The following MYH11 variants were observed in gnomAD, a reference collection of about 807,000 sequenced individuals.
MYH11 encodes the protein myosin heavy chain 11, also known as myosin-11.
Under a neutral mutation model 246.6 loss-of-function variants are expected in MYH11, and 80 were observed. The ratio of observed to expected loss-of-function variants is 0.32; its 90% CI spans 0.27 to 0.39. The LOEUF (loss-of-function observed/expected upper bound fraction) is 0.39, where lower values mean the gene tolerates loss of function less well. MYH11 is among the 10% of genes least tolerant of loss of function. The pLI is 1.00. For synonymous variants in MYH11, 1,071 were observed against 1,015.5 expected, an observed-to-expected ratio of 1.05 and a Z score of -1.04; for missense variants, 2,158 against 2,546.8, an observed-to-expected ratio of 0.85 and a Z score of 3.29.
At position 15,727,033 on chromosome 16, in the gene MYH11, T is replaced by C; in HGVS notation, c.3673A>G (p.Asn1225Asp). ...TTCTCTTTCTCCAGCGTCTGCTTAT[T>C]CTTGTCTAGGTTCGCCTTGGCCTGG... ...FKRAKANLDK[N>D]KQTLEKENAD... The change falls in exon 28 of 41, where the codon AAT becomes GAT. Residue 1225 changes from asparagine to aspartate, a missense_variant. Asn to Asp is a conservative substitution (Grantham distance 23). Coordinates refer to ENST00000300036, the MANE Select transcript of MYH11 (RefSeq NM_002474.3). The C allele has an allele frequency of 1.2e-6, 2 of 1,611,876 alleles. No homozygotes were observed. The highest frequency in any genetic ancestry group is 8.5e-7 in the Non-Finnish European group (1 of 1,178,882).
chr16:15,757,508 TAAAAAAAAAAA>T (rs71134455), intron 13 of MYH11, among the ~76,000 whole-genome samples: 1 of 65,484 alleles, frequency 1.5e-5, no homozygotes, highest in East Asian at 5.0e-4. Flanking sequence ...GACCATGTCA[TAAAAAAAAAAA>T]AAAAAAAAAA....
intron 8 of MYH11, among the ~76,000 whole-genome samples, chr16:15,772,698 T>C (rs1482648029): frequency 6.6e-6 from 1 of 152,174 alleles, no homozygotes; most frequent in East Asian, 1.9e-4. Flanking sequence ...TACCGGTCCA[T>C]GTTAGGAACT....
At position 15,717,310 on chromosome 16, in the gene MYH11, G is replaced by T; in HGVS notation, c.5334C>A (p.Ser1778Arg). ...GGGCACTCTCATTCTTCTGGGCCGT[G>T]CTGCGCTCTGTGGCCAGCTCGTTGC... ...QLSNELATERSTAQKNESARQ... is the reference protein window; with the variant it reads ...QLSNELATERRTAQKNESARQ... Residue 1778 changes from serine (S) to arginine (R), a missense_variant, in exon 38 of 41, where the codon AGC becomes AGA. Ser to Arg is a moderately radical substitution (Grantham distance 110, BLOSUM62 -1). Transcript: ENST00000300036. 6.2e-7 allele frequency: 1 copy of T among 1,611,700 alleles called. No homozygotes were observed.
chr16:15,793,441 C>A (rs2042661146), intron 4 of MYH11, among the ~76,000 whole-genome samples: 1 of 151,930 alleles, frequency 6.6e-6, no homozygotes, highest in Non-Finnish European at 1.5e-5. Context: ...TACAGGCATG[C>A]ACCATCCCAC....
chr16:15,760,201 GATGAATGA>G lies in MYH11; in HGVS notation c.1248+331_1248+338del, dbSNP rs148242233. Among the ~76,000 whole-genome samples, 82 of 152,142 alleles carry G rather than the reference GATGAATGA, an allele frequency of 5.4e-4. 3 individuals carry two copies. The South Asian group carries it at 0.017, about 32-fold the overall frequency. ...AGATGGATGGGTGGATGCATGGACA[GATGAATGA>G]ATGAATGAATGAATGGAATGACAGC... On this transcript the variant is annotated intron_variant, in intron 11 of 40. Transcript: ENST00000300036.
chr16:15,749,938 A>G (rs2151263450), intron 16 of MYH11, 200 bp downstream of exon 16: 1 of 656,636 alleles, frequency 1.5e-6, no homozygotes, highest in South Asian at 1.9e-5. Context: ...CAACTCCACA[A>G]CTGAAAAGTC....
At chr16:15,826,587 CA>C (rs1157161167) in intron 2 of MYH11, among the ~76,000 whole-genome samples, 1 of 81,822 alleles carries the variant, frequency 1.2e-5, no homozygotes, top group Non-Finnish European at 2.2e-5. Context: ...GACCTTGTCT[CA>C]AAAAAGAAAA....
At chr16:15,801,214 A>G (rs1298427826) in intron 3 of MYH11, among the ~76,000 whole-genome samples, 1 of 152,204 alleles carries the variant, frequency 6.6e-6, no homozygotes, top group Admixed American at 6.5e-5. Flanking sequence ...TCAAAAACAA[A>G]TAAGATATAA....
intron 15 of MYH11, among the ~76,000 whole-genome samples, 154 bp downstream of exon 15, chr16:15,753,240 T>C (rs2041620409): frequency 6.6e-6 from 1 of 152,114 alleles, no homozygotes; most frequent in Non-Finnish European, 1.5e-5. Context: ...AGAAATTGTT[T>C]CAACGAGACA....
At chr16:15,828,522 C>T (rs1008292565) in intron 2 of MYH11, among the ~76,000 whole-genome samples, 3 of 152,160 alleles carry the variant, frequency 2.0e-5, no homozygotes, top group African/African-American at 7.2e-5. Flanking sequence ...ACAGGGTAGA[C>T]ACTCAGTCAG....
At chr16:15,794,179 C>G (rs959101530) in intron 4 of MYH11, among the ~76,000 whole-genome samples, 1 of 151,832 alleles carries the variant, frequency 6.6e-6, no homozygotes, top group Admixed American at 6.6e-5. Flanking sequence ...AACTCCTGAC[C>G]TCGTGATCCG....
intron 31 of MYH11, among the ~76,000 whole-genome samples, chr16:15,722,773 C>T (rs1426151692): frequency 6.6e-6 from 1 of 152,172 alleles, no homozygotes; most frequent in African/African-American, 2.4e-5. Context: ...AGGGTTTTCA[C>T]TCCATCACTC....
At position 15,815,396 on chromosome 16, in the gene MYH11, G is replaced by T. The variant is rs189941824; in HGVS notation, c.502+7859C>A. Among the ~76,000 whole-genome samples, 335 of 152,148 alleles carry T rather than the reference G, an allele frequency of 2.2e-3. 2 individuals are homozygous for T. Among genetic ancestry groups the T allele is most frequent in the African/African-American group, 7.7e-3 (321 of 41,518 alleles). The stretch of plus-strand genomic sequence containing the variant: ...CATTTAAAAATAAAATAGAATTTTT[G>T]GAATTTAATAAAATATATACCAGAA... On this transcript the variant is annotated intron_variant, in intron 3 of 40. Coordinates refer to ENST00000300036, the MANE Select transcript of MYH11 (RefSeq NM_002474.3).
At chr16:15,854,301 C>A (rs1160681089) in intron 1 of MYH11, among the ~76,000 whole-genome samples, 1 of 152,124 alleles carries the variant, frequency 6.6e-6, no homozygotes, top group Non-Finnish European at 1.5e-5. Flanking sequence ...TATAAATAAC[C>A]ATCACTGAAG....
intron 27 of MYH11, 81 bp from the exon 28 acceptor site, chr16:15,727,135 A>G (rs2040806206): frequency 3.8e-6 from 5 of 1,315,912 alleles, no homozygotes; most frequent in Non-Finnish European, 5.5e-6. Flanking sequence ...TTCCTCCCTC[A>G]GAGAGGTCCA....
chr16:15,782,420 C>T lies in MYH11; in HGVS notation c.691G>A (p.Ala231Thr). The T allele has an allele frequency of 6.2e-7, 1 of 1,614,132 alleles. No individual in the cohort carries two copies. Residue 231 changes from alanine (A) to threonine (T), a missense_variant, in exon 6 of 41, where the codon GCC (alanine) becomes ACC (threonine). Physicochemically the swap from Ala to Thr is moderately conservative, Grantham distance 58. Around this residue, in one of 11 missense-constraint regions of MYH11, gnomAD observed 123 missense variants for 207.1 expected, o/e 0.59. Coordinates refer to ENST00000300036, the MANE Select transcript of MYH11 (RefSeq NM_002474.3). ...GAGTTGTCGTTCTTCACTGTTTTGG[C>T]GTTGCCGAAAGCCTCCAGAATCGGG... ...ANPILEAFGN[A>T]KTVKNDNSSR...
At chr16:15,754,437 T>C (rs2041659447) in intron 14 of MYH11, among the ~76,000 whole-genome samples, 1 of 152,142 alleles carries the variant, frequency 6.6e-6, no homozygotes, top group Non-Finnish European at 1.5e-5. Flanking sequence ...TGCTGGGTTA[T>C]CATGGGATGT....
At chr16:15,782,700 G>A (rs539589030) in intron 5 of MYH11, 9 of 531,010 alleles carry the variant, frequency 1.7e-5, no homozygotes, top group Non-Finnish European at 3.1e-5. Context: ...TCCCTAGGAA[G>A]GTCACTTTTT....
At chr16:15,844,483 C>G (rs2044137834) in intron 1 of MYH11, among the ~76,000 whole-genome samples, 1 of 152,144 alleles carries the variant, frequency 6.6e-6, no homozygotes, top group African/African-American at 2.4e-5. Context: ...CAGGTGTGAG[C>G]CACCACGCTC....
Sources: gnomAD v4.1 joint callset for allele counts (sites outside exome capture counted in the v4.1 genomes callset) on GRCh38, gnomAD v4.1.1 for gene constraint, gnomAD v4.1.1 regional missense constraint, MANE v1.5 for transcripts, NCBI Gene and HGNC (gene_info 2026-07-23, HGNC 2026-07-21) for gene names.